The following TMEM40 variants were observed in gnomAD, a reference collection of about 807,000 sequenced individuals.
TMEM40 encodes the protein transmembrane protein 40.
TMEM40 carries 34 observed loss-of-function variants against 40.8 expected under a neutral mutation model. The ratio of observed to expected loss-of-function variants is 0.83; its 90% CI spans 0.63 to 1.11. The LOEUF (loss-of-function observed/expected upper bound fraction) is 1.11, where lower values mean the gene tolerates loss of function less well. Among genes scored for constraint, TMEM40 ranks in the 50% least tolerant of loss-of-function variants. The probability of loss-of-function intolerance (pLI) is 0.00; values close to 1 mark genes in which losing one functional copy is unlikely to be tolerated. For missense variants in TMEM40, 296 were observed against 280.2 expected (o/e 1.06, Z -0.40); for synonymous variants, 106 against 107.0 (o/e 0.99, Z 0.06).
At chr3:12,748,864 C>G (rs928049666) in intron 2 of TMEM40, 72 bp from the exon 3 acceptor site, 22 of 1,388,782 alleles carry the variant, frequency 1.6e-5, no homozygotes, top group Non-Finnish European at 2.0e-5. Context: ...CCAGTCCTCT[C>G]CAGGGTTCTA....
At chr3:12,767,903 C>G (rs568436538) in intron 1 of TMEM40, among the ~76,000 whole-genome samples, 13 of 152,072 alleles carry the variant, frequency 8.5e-5, no homozygotes, top group African/African-American at 2.9e-4. Context: ...GTCCAGGAAG[C>G]AAAACTTGTG....
chr3:12,753,159 T>C (rs1352065883), intron 1 of TMEM40, among the ~76,000 whole-genome samples: 3 of 151,970 alleles, frequency 2.0e-5, no homozygotes, highest in African/African-American at 7.3e-5. Context: ...TCCTTGTCTA[T>C]TCCTCCTCCA....
chr3:12,744,092 T>G (rs1031332092), intron 3 of TMEM40, 103 bp from the exon 4 acceptor site: 1 of 1,199,396 alleles, frequency 8.3e-7, no homozygotes. Context: ...ATGAGAAGAG[T>G]GTGGTTTGGT....
chr3:12,746,021 C>G (rs968126087), intron 3 of TMEM40, among the ~76,000 whole-genome samples: 6 of 151,984 alleles, frequency 3.9e-5, no homozygotes, highest in African/African-American at 1.2e-4. Context: ...CCTCAGCCTC[C>G]CGAGTAGCTG....
At chr3:12,738,850 C>T in intron 5 of TMEM40, 2 of 462,132 alleles carry the variant, frequency 4.3e-6, no homozygotes, top group Non-Finnish European at 7.9e-6. Context: ...TTCAGGTAAA[C>T]TTCCCAATTA....
At position 12,740,801 on chromosome 3, in the gene TMEM40, T is replaced by G. The variant is rs376077085; in HGVS notation, c.355+1653A>C. Among the ~76,000 whole-genome samples, 18 of 152,064 alleles carry G rather than the reference T, an allele frequency of 1.2e-4. 2 individuals are homozygous for G. Among genetic ancestry groups the G allele is most frequent in the Admixed American group, 2.6e-4 (4 of 15,276 alleles). On this transcript the variant is annotated intron_variant, in intron 5 of 11. Coordinates refer to ENST00000314124, the MANE Select transcript of TMEM40 (RefSeq NM_018306.4). ...TGAGCCCAGGAGGTGGAGGTTGCAG[T>G]GAGCCGAGATGGTACCACTGCACTC...
intron 1 of TMEM40, among the ~76,000 whole-genome samples, chr3:12,757,815 C>T (rs2061540560): frequency 6.6e-6 from 1 of 152,092 alleles, no homozygotes; most frequent in African/African-American, 2.4e-5. Flanking sequence ...TTACACATAA[C>T]AGCCAAAAAT....
At chr3:12,763,098 T>G (rs1468243124), upstream of TMEM40, among the ~76,000 whole-genome samples, 1 of 143,942 alleles carries the variant, frequency 6.9e-6, no homozygotes, top group African/African-American at 2.6e-5. Flanking sequence ...AGGCGGAGCT[T>G]GCAGTGAGCC....
chr3:12,753,856 T>C (rs2061498118), intron 1 of TMEM40, among the ~76,000 whole-genome samples: 1 of 152,250 alleles, frequency 6.6e-6, no homozygotes, highest in Admixed American at 6.5e-5. Context: ...CCAGATTTCC[T>C]GAGCTTCTGC....
At chr3:12,743,814 T>G in intron 4 of TMEM40, 86 bp downstream of exon 4, 1 of 1,288,754 alleles carries the variant, frequency 7.8e-7, no homozygotes, top group Non-Finnish European at 1.1e-6. Context: ...TAAACAATGC[T>G]GTGAAGAACA....
In TMEM40 at chr3:12,736,759, C is replaced by T. The variant is rs775767715; in HGVS notation, c.544+5G>A. The T allele has an allele frequency of 6.2e-7, 1 of 1,614,148 alleles. No homozygotes were observed. Among genetic ancestry groups the T allele is most frequent in the Non-Finnish European group, 8.5e-7 (1 of 1,180,030 alleles). On this transcript the variant is annotated splice_donor_5th_base_variant and intron_variant, in intron 9 of 11. Transcript: ENST00000314124. ...TTGTGCATTCCCCAGGGCACCTCCC[C>T]TCACCTGCGTAATAGTGATAACACA...
At chr3:12,750,537 TTTC>T (rs1464682704) in intron 1 of TMEM40, among the ~76,000 whole-genome samples, 1 of 152,210 alleles carries the variant, frequency 6.6e-6, no homozygotes, top group Non-Finnish European at 1.5e-5. Context: ...CCTTGCCCTA[TTTC>T]TTCTTCTCTC....
At chr3:12,753,211 C>CTTTCTTTTTTT (rs1559532113) in intron 1 of TMEM40, among the ~76,000 whole-genome samples, 2 of 76,292 alleles carry the variant, frequency 2.6e-5, no homozygotes, top group African/African-American at 1.1e-4. Context: ...TTCTTTCTTT[C>CTTTCTTTTTTT]TTTTTTTTTT....
chr3:12,768,901 G>A (rs2061607343), intron 1 of TMEM40, among the ~76,000 whole-genome samples: 1 of 123,184 alleles, frequency 8.1e-6, no homozygotes, highest in Non-Finnish European at 1.6e-5. Context: ...GCGGGGCGGG[G>A]CAGGGCGGGC....
At position 12,734,378 on chromosome 3, in the gene TMEM40, A is replaced by G; in HGVS notation, c.*396T>C. The G allele has an allele frequency of 5.4e-6, 1 of 183,586 alleles. No individual in the cohort carries two copies. Among genetic ancestry groups the G allele is most frequent in the Non-Finnish European group, 1.1e-5 (1 of 88,500 alleles). The allele number at this position is 183,586 out of a possible 1,614,324, so 11.4% of individuals were successfully genotyped here. A position where few individuals can be genotyped will look rare whatever the true frequency, so the allele number is the denominator to read the frequency against. ...TCCATCTCTCCCAGGATGGCTCGGT[A>G]GCACCTGAGAGCGCATGCAGATAGC... is the stretch of plus-strand genomic sequence containing the variant. On this transcript the variant is annotated 3_prime_UTR_variant, in exon 12 of 12. Coordinates refer to ENST00000314124, the MANE Select transcript of TMEM40 (RefSeq NM_018306.4).
At chr3:12,735,655 G>A (rs201254027) in intron 10 of TMEM40, 38 bp from the exon 11 acceptor site, 2 of 1,591,520 alleles carry the variant, frequency 1.3e-6, no homozygotes, top group East Asian at 4.5e-5. Context: ...TTAAGTTTGT[G>A]CCCCAACAAG....
At chr3:12,737,824 C>T (rs1198191308) in intron 7 of TMEM40, 70 bp from the exon 8 acceptor site, 1 of 1,463,694 alleles carries the variant, frequency 6.8e-7, no homozygotes, top group Non-Finnish European at 9.6e-7. Context: ...CTTTTCCCTG[C>T]CTCATTGAGA....
At chr3:12,736,684 C>T in intron 9 of TMEM40, 32 bp from the exon 10 acceptor site, 2 of 1,613,282 alleles carry the variant, frequency 1.2e-6, no homozygotes, top group Non-Finnish European at 1.7e-6. Flanking sequence ...GAATGGTCAG[C>T]CTCCAGGTCT....
chr3:12,749,663 G>A, intron 2 of TMEM40, 97 bp downstream of exon 2: 1 of 1,063,352 alleles, frequency 9.4e-7, no homozygotes, highest in Non-Finnish European at 1.4e-6. Context: ...GAGGCCCTGT[G>A]CAACGTGAGT....
Sources: gnomAD v4.1 joint callset for allele counts (sites outside exome capture counted in the v4.1 genomes callset) on GRCh38, gnomAD v4.1.1 for gene constraint, MANE v1.5 for transcripts, NCBI Gene and HGNC (gene_info 2026-07-23, HGNC 2026-07-21) for gene names.